Variants in P4HA1 observed in about 807,000 individuals in gnomAD.
P4HA1 encodes the protein prolyl 4-hydroxylase subunit alpha 1.
A neutral mutation model predicts 72.8 loss-of-function variants in P4HA1; 24 were observed. The ratio of observed to expected loss-of-function variants is 0.33; its 90% CI spans 0.24 to 0.46. The LOEUF is 0.46. Among genes scored for constraint, P4HA1 ranks in the 20% least tolerant of loss-of-function variants. The pLI is 1.00. For synonymous variants in P4HA1, 201 were observed against 218.8 expected (o/e 0.92, Z 0.72); for missense variants, 446 against 640.6 (o/e 0.70, Z 3.28).
intron 3 of P4HA1, among the ~76,000 whole-genome samples, chr10:73,073,522 GTATC>G (rs926919982): frequency 8.5e-5 from 13 of 152,220 alleles, no homozygotes; most frequent in African/African-American, 3.1e-4. Flanking sequence ...CATCCGGCTG[GTATC>G]TATCCATATT....
At chr10:73,071,231 C>T (rs1841554883) in intron 4 of P4HA1, 1 of 151,464 alleles carries the variant, frequency 6.6e-6, no homozygotes, top group African/African-American at 2.4e-5. Context: ...TTATACAGTA[C>T]AGAAAATAAT....
chr10:73,013,297 A>C (rs892907430), intron 12 of P4HA1, among the ~76,000 whole-genome samples: 3 of 152,210 alleles, frequency 2.0e-5, no homozygotes, highest in Admixed American at 1.3e-4. Flanking sequence ...AGCAAAATTA[A>C]CATCTGTGAC....
At chr10:73,087,416 G>A (rs1331409514) in intron 1 of P4HA1, among the ~76,000 whole-genome samples, 3 of 151,610 alleles carry the variant, frequency 2.0e-5, no homozygotes, top group East Asian at 1.9e-4. Flanking sequence ...TTACAGGCAC[G>A]TGCCACCACA....
intron 10 of P4HA1, among the ~76,000 whole-genome samples, chr10:73,021,068 G>A (rs1220008288): frequency 6.6e-6 from 1 of 152,170 alleles, no homozygotes. Flanking sequence ...CCAGGAGGTG[G>A]AGGTTGCAGT....
At chr10:73,016,365 C>T (rs750300984) in intron 11 of P4HA1, among the ~76,000 whole-genome samples, 1 of 152,238 alleles carries the variant, frequency 6.6e-6, no homozygotes, top group African/African-American at 2.4e-5. Context: ...TAACCTCTCT[C>T]CCTTACTGCA....
intron 10 of P4HA1, among the ~76,000 whole-genome samples, chr10:73,017,881 C>T (rs916349681): frequency 2.6e-5 from 4 of 152,164 alleles, no homozygotes; most frequent in Non-Finnish European, 4.4e-5. Context: ...TCACACAACA[C>T]AATAAAATGC....
intron 5 of P4HA1, among the ~76,000 whole-genome samples, chr10:73,064,309 T>C (rs1841373684): frequency 1.3e-5 from 2 of 151,982 alleles, no homozygotes; most frequent in South Asian, 4.1e-4. Context: ...ACCCTGTCTC[T>C]ACAAAAAATA....
intron 5 of P4HA1, among the ~76,000 whole-genome samples, chr10:73,068,215 AT>A (rs1841472145): frequency 6.6e-6 from 1 of 152,174 alleles, no homozygotes; most frequent in African/African-American, 2.4e-5. Context: ...CATCCCAGTG[AT>A]TTTTTCTTAC....
At chr10:73,082,795 C>G (rs2133153522) in intron 1 of P4HA1, among the ~76,000 whole-genome samples, 1 of 152,202 alleles carries the variant, frequency 6.6e-6, no homozygotes, top group South Asian at 2.1e-4. Context: ...TTTTCATGGT[C>G]AACACAAAAG....
Position 73,019,644 on chromosome 10 carries a change from C to T in P4HA1, c.1249-2745G>A, listed in dbSNP as rs761484035. On this transcript the variant is annotated intron_variant, in intron 10 of 14. Coordinates refer to ENST00000394890, the MANE Select transcript of P4HA1 (RefSeq NM_001017962.3). ...ATGCAGGAGGCTGAGGCAGGAGAAT[C>T]GCTTGAACCTGGGAGGCGGAGGTTG... Among the ~76,000 whole-genome samples, 44 of 142,896 alleles carry T rather than the reference C, an allele frequency of 3.1e-4. No homozygotes were observed. In the Middle Eastern group the frequency reaches 0.011, roughly 37 times the overall value. The allele number at this position is 142,896 out of a possible 152,430, so 93.7% of individuals were successfully genotyped here. A position where few individuals can be genotyped will look rare whatever the true frequency, so the allele number is the denominator to read the frequency against.
intron 13 of P4HA1, among the ~76,000 whole-genome samples, chr10:73,010,258 G>A (rs183409037): frequency 2.6e-5 from 4 of 152,236 alleles, no homozygotes; most frequent in Admixed American, 6.5e-5. Flanking sequence ...GTGAGCCACC[G>A]TGCCCGGCCG....
chr10:73,019,990 T>C (rs934792966), intron 10 of P4HA1, among the ~76,000 whole-genome samples: 4 of 152,038 alleles, frequency 2.6e-5, no homozygotes, highest in African/African-American at 9.7e-5. Context: ...TATTTAATAA[T>C]AGCTGAAAAC....
intron 12 of P4HA1, among the ~76,000 whole-genome samples, chr10:73,013,842 G>GAT (rs1839959457): frequency 6.6e-6 from 1 of 151,984 alleles, no homozygotes; most frequent in Non-Finnish European, 1.5e-5. Context: ...GCACTCTTCT[G>GAT]ATATACTTCA....
chr10:73,046,833 T>C, intron 8 of P4HA1, 92 bp downstream of exon 8: 1 of 924,998 alleles, frequency 1.1e-6, no homozygotes, highest in Non-Finnish European at 1.7e-6. Flanking sequence ...ATCTGTGGCA[T>C]TATTCGTATA....
intron 1 of P4HA1, among the ~76,000 whole-genome samples, chr10:73,085,859 G>C (rs541177535): frequency 6.6e-6 from 1 of 152,304 alleles, no homozygotes; most frequent in African/African-American, 2.4e-5. Context: ...TGGGTACAGT[G>C]GCATACGCCT....
At chr10:73,025,839 T>C (rs1840253676) in intron 10 of P4HA1, among the ~76,000 whole-genome samples, 1 of 152,214 alleles carries the variant, frequency 6.6e-6, no homozygotes, top group African/African-American at 2.4e-5. Context: ...AGCCAAATCA[T>C]GAGTGAACTC....
At chr10:73,074,749 T>C in intron 2 of P4HA1, 59 bp downstream of exon 2, 1 of 910,866 alleles carries the variant, frequency 1.1e-6, no homozygotes, top group South Asian at 1.3e-5. Context: ...TTTAAAACAC[T>C]AAAAAATGGA....
intron 9 of P4HA1, among the ~76,000 whole-genome samples, chr10:73,032,778 G>GT (rs1296794740): frequency 6.6e-6 from 1 of 152,200 alleles, no homozygotes; most frequent in African/African-American, 2.4e-5. Context: ...GCGAGCAAGC[G>GT]TAAGAGAGAG....
chr10:73,033,497 C>G lies in P4HA1; in HGVS notation c.1149-3127G>C, dbSNP rs202062436. The stretch of plus-strand genomic sequence containing the variant: ...CCAGCAGTTATTGCCTCCCTTTTAT[C>G]TTTAATCTCCTCCTTGTCAATGCTT... On this transcript the variant is annotated intron_variant, in intron 9 of 14. Transcript: ENST00000394890. 1.8e-4 allele frequency among the ~76,000 whole-genome samples: 28 copies of G among 152,294 alleles called. 2 individuals are homozygous for G. In the East Asian group the frequency reaches 2.3e-3, roughly 13 times the overall value.
Sources: gnomAD v4.1 joint callset for allele counts (sites outside exome capture counted in the v4.1 genomes callset) on GRCh38, gnomAD v4.1.1 for gene constraint, MANE v1.5 for transcripts, NCBI Gene and HGNC (gene_info 2026-07-23, HGNC 2026-07-21) for gene names.